Variants in CYP4F3 observed in about 807,000 individuals in gnomAD.
The protein encoded by CYP4F3 is cytochrome P450 family 4 subfamily F member 3.
CYP4F3 carries 50 observed loss-of-function variants against 54.8 expected under a neutral mutation model. The observed-to-expected ratio is 0.91, with a 90% CI of 0.73 to 1.16. The LOEUF is 1.16. CYP4F3 is among the 50% of genes most tolerant of loss of function. The probability of loss-of-function intolerance (pLI) is 0.00; values close to 1 mark genes in which losing one functional copy is unlikely to be tolerated. For synonymous variants in CYP4F3, 244 were observed against 262.6 expected, an observed-to-expected ratio of 0.93 and a Z score of 0.69; for missense variants, 715 against 676.2, an observed-to-expected ratio of 1.06 and a Z score of -0.64.
In CYP4F3 at chr19:15,643,331, TAGAC is replaced by T. The variant is rs1288616431; in HGVS notation, c.198+1722_198+1725del. ...TAGATAGATTAGATAGATAGATAGATAGACAGATAGATACATACATACATACATA... is the reference window on the plus strand; with the variant it reads ...TAGATAGATTAGATAGATAGATAGATAGATAGATACATACATACATACATA... On this transcript the variant is annotated intron_variant, in intron 2 of 12. Transcript: ENST00000221307. Among the ~76,000 whole-genome samples, 57 of 134,308 alleles carry T rather than the reference TAGAC, an allele frequency of 4.2e-4. 1 individual carries two copies. In the South Asian group the frequency reaches 4.3e-3, roughly 10 times the overall value. 88.1% of individuals were successfully genotyped at this position (134,308 alleles called of 152,430 possible).
chr19:15,645,699 T>A lies in CYP4F3; in HGVS notation c.199-20T>A. The A allele has an allele frequency of 6.3e-7, 1 of 1,592,844 alleles. No individual in the cohort carries two copies. The highest frequency in any genetic ancestry group is 8.6e-7 in the Non-Finnish European group (1 of 1,165,510). On this transcript the variant is annotated intron_variant, in intron 2 of 12. Coordinates refer to ENST00000221307, the MANE Select transcript of CYP4F3 (RefSeq NM_000896.3). ...GCAGCCTAGGAGAGCATGAATTGGG[T>A]CCTGTGTCTTTCTCTCCAGATTCAC... is the stretch of plus-strand genomic sequence containing the variant.
intron 2 of CYP4F3, among the ~76,000 whole-genome samples, chr19:15,644,950 C>G (rs1226502835): frequency 6.6e-6 from 1 of 152,158 alleles, no homozygotes; most frequent in Non-Finnish European, 1.5e-5. Flanking sequence ...GTAGTCTAAG[C>G]AAAGAAAGAG....
At position 15,650,188 on chromosome 19, in the gene CYP4F3, G is replaced by A. The variant is rs748883428; in HGVS notation, c.918+5G>A. 3.1e-6 allele frequency: 5 copies of A among 1,614,172 alleles called. No homozygotes were observed. In the South Asian group the frequency reaches 5.5e-5, roughly 18 times the overall value. ...GATGTACTCCTGCTGAGCAAGGTGG[G>A]CCTCTCTGGGATCTGAATTCAAGAA... On this transcript the variant is annotated splice_donor_5th_base_variant and intron_variant, in intron 7 of 12. Coordinates refer to ENST00000221307, the MANE Select transcript of CYP4F3 (RefSeq NM_000896.3).
At chr19:15,643,922 C>G in intron 2 of CYP4F3, 2 of 1,588,238 alleles carry the variant, frequency 1.3e-6, no homozygotes, top group Non-Finnish European at 1.7e-6. Flanking sequence ...CCCCACGGAG[C>G]AGGGCATGAG....
At chr19:15,654,419 A>G (rs569254458) in intron 9 of CYP4F3, among the ~76,000 whole-genome samples, 75 of 152,342 alleles carry the variant, frequency 4.9e-4, no homozygotes, top group Non-Finnish European at 8.4e-4. Flanking sequence ...TTTCTAATGT[A>G]CAGTACATAT....
At chr19:15,658,614 G>A in intron 11 of CYP4F3, 59 bp downstream of exon 11, 1 of 1,610,848 alleles carries the variant, frequency 6.2e-7, no homozygotes, top group South Asian at 1.1e-5. Flanking sequence ...AGGGGGCAGG[G>A]TTTTGATCAG....
rs922722561 is a variant in CYP4F3 at position 15,662,541 on chromosome 19, A to G, written c.*3156A>G. 6 of 151,954 alleles carry G rather than the reference A, an allele frequency of 3.9e-5. No homozygotes were observed. Among genetic ancestry groups the G allele is most frequent in the East Asian group, 3.9e-4 (2 of 5,190 alleles). The allele number at this position is 151,954 out of a possible 1,614,324, so 9.4% of individuals were successfully genotyped here. ...GCTATTCTGCTTCCTTTGTGTTTCT[A>G]TGTAAATTTTATCATCAGTGTGTCT... On this transcript the variant is annotated 3_prime_UTR_variant, in exon 13 of 13. Coordinates refer to ENST00000221307, the MANE Select transcript of CYP4F3 (RefSeq NM_000896.3).
chr19:15,653,040 T>C, intron 9 of CYP4F3, 88 bp downstream of exon 9: 1 of 1,502,886 alleles, frequency 6.7e-7, no homozygotes, highest in Non-Finnish European at 8.9e-7. Flanking sequence ...TTGTTTTTGT[T>C]GATTCTGCCA....
chr19:15,652,879 C>T lies in CYP4F3; in HGVS notation c.1042C>T (p.Pro348Ser). Residue 348 changes from proline to serine, a missense_variant, in exon 9 of 13, where the codon CCG becomes TCG. Pro to Ser is a moderately conservative substitution (Grantham distance 74). Transcript: ENST00000221307. ...GGTCCTGTACCACCTTGCAAAGCAC[C>T]CGGAATACCAGGAGCGCTGTCGGCA... ...SWVLYHLAKH[P>S]EYQERCRQEV... 2 of 1,613,902 alleles carry T rather than the reference C, an allele frequency of 1.2e-6. No individual in the cohort carries two copies. Among genetic ancestry groups the T allele is most frequent in the Non-Finnish European group, 1.7e-6 (2 of 1,179,882 alleles).
intron 12 of CYP4F3, 63 bp from the exon 13 acceptor site, chr19:15,659,157 C>A (rs551625376): frequency 2.3e-5 from 30 of 1,295,902 alleles, no homozygotes; most frequent in Non-Finnish European, 3.1e-5. Context: ...GCCAGGTTAC[C>A]GGCTTGATGG....
rs28371541 is a variant in CYP4F3 at position 15,655,704 on chromosome 19, G to A, written c.1116-2560G>A. ...AAGTGAAAGTCCATAAAATAGACAC[G>A]GGTCTGCATATTATCTCTGAGATCT... On this transcript the variant is annotated intron_variant, in intron 9 of 12. Transcript: ENST00000221307. Among the ~76,000 whole-genome samples, 878 of 152,274 alleles carry A rather than the reference G, an allele frequency of 5.8e-3. 4 individuals carry two copies. The highest frequency in any genetic ancestry group is 0.017 in the Middle Eastern group (5 of 294).
chr19:15,648,259 G>A (rs1029483250), intron 5 of CYP4F3, among the ~76,000 whole-genome samples: 1 of 152,074 alleles, frequency 6.6e-6, no homozygotes, highest in African/African-American at 2.4e-5. Context: ...AGCAGCATGT[G>A]TTGCTTGTTA....
chr19:15,656,550 C>G lies in CYP4F3; in HGVS notation c.1116-1714C>G, dbSNP rs369206750. ...TTCTATCATCTATCAATGTATCTAT[C>G]ATTGATCTATCTATCATCTATCAAT... On this transcript the variant is annotated intron_variant, in intron 9 of 12. Coordinates refer to ENST00000221307, the MANE Select transcript of CYP4F3 (RefSeq NM_000896.3). Among the ~76,000 whole-genome samples, 66 of 124,396 alleles carry G rather than the reference C, an allele frequency of 5.3e-4. No individual in the cohort carries two copies. The South Asian group carries it at 0.013, about 25-fold the overall frequency. The allele number at this position is 124,396 out of a possible 152,430, so 81.6% of individuals were successfully genotyped here. A position where few individuals can be genotyped will look rare whatever the true frequency, so the allele number is the denominator to read the frequency against.
At chr19:15,642,100 C>T (rs1255758663) in intron 2 of CYP4F3, among the ~76,000 whole-genome samples, 1 of 152,148 alleles carries the variant, frequency 6.6e-6, no homozygotes, top group African/African-American at 2.4e-5. Context: ...AGTAAGATGT[C>T]CCAATGGGGT....
rs7254281 is a variant in CYP4F3 at position 15,660,922 on chromosome 19, G to A, written c.*1537G>A. Reference sequence around the variant, plus strand: ...AATAGAGGCGGGGTTTCGCCATGTTGCACTGGCTGGTGTTGAACTCCTAAC... The same window carrying A: ...AATAGAGGCGGGGTTTCGCCATGTTACACTGGCTGGTGTTGAACTCCTAAC... On this transcript the variant is annotated 3_prime_UTR_variant, in exon 13 of 13. Transcript: ENST00000221307. 0.6 allele frequency: 90,811 copies of A among 151,706 alleles called. 27,687 individuals carry two copies. Among genetic ancestry groups the A allele is most frequent in the East Asian group, 0.7 (3,622 of 5,140 alleles). 9.4% of individuals were successfully genotyped at this position (151,706 alleles called of 1,614,324 possible).
intron 9 of CYP4F3, among the ~76,000 whole-genome samples, 185 bp downstream of exon 9, chr19:15,653,137 A>C (rs1392130170): frequency 2.0e-5 from 3 of 152,214 alleles, no homozygotes; most frequent in African/African-American, 7.2e-5. Flanking sequence ...ATAGGCCCTT[A>C]GGACAGAAAG....
At chr19:15,641,253 C>T (rs1972453165) in intron 1 of CYP4F3, 162 bp from the exon 2 acceptor site, 1 of 888,884 alleles carries the variant, frequency 1.1e-6, no homozygotes, top group African/African-American at 1.7e-5. Context: ...TTGGCTGGGC[C>T]TTTCTGGACT....
Position 15,645,819 on chromosome 19 carries a change from G to T in CYP4F3, c.299G>T (p.Arg100Leu), listed in dbSNP as rs143305509. ...WWVGPWHAIVRIFHPTYIKPV... is the reference protein window; with the variant it reads ...WWVGPWHAIVLIFHPTYIKPV... ...GTGGGGCCCTGGCACGCAATCGTCC[G>T]CATCTTCCACCCCACCTACATCAAG... Residue 100 changes from arginine (R) to leucine (L), a missense_variant, in exon 3 of 13, where the codon CGC becomes CTC. Transcript: ENST00000221307. 1.9e-6 allele frequency: 3 copies of T among 1,613,658 alleles called. No individual in the cohort carries two copies. The highest frequency in any genetic ancestry group is 2.2e-5 in the East Asian group (1 of 44,870).
At position 15,650,666 on chromosome 19, in the gene CYP4F3, TTCTTTCTTTCTTTC is replaced by T. The variant is rs1261653062; in HGVS notation, c.918+485_918+498del. ...CCCTCCCTCCCTGCCTTCTTTTTCTTTCTTTCTTTCTTTCTTTCTTTCTTTCTTTCTTTCTTTCT... is the reference window on the plus strand; with the variant it reads ...CCCTCCCTCCCTGCCTTCTTTTTCTTTTTCTTTCTTTCTTTCTTTCTTTCT... On this transcript the variant is annotated intron_variant, in intron 7 of 12. Transcript: ENST00000221307. Among the ~76,000 whole-genome samples, 40 of 32,460 alleles carry T rather than the reference TTCTTTCTTTCTTTC, an allele frequency of 1.2e-3. 13 individuals carry two copies. Among genetic ancestry groups the T allele is most frequent in the African/African-American group, 2.1e-3 (15 of 7,206 alleles). 21.3% of individuals were successfully genotyped at this position (32,460 alleles called of 152,430 possible). A position where few individuals can be genotyped will look rare whatever the true frequency, so the allele number is the denominator to read the frequency against.
Sources: allele counts gnomAD v4.1 joint callset (sites outside exome capture counted in the v4.1 genomes callset), GRCh38; gene constraint gnomAD v4.1.1; transcripts MANE v1.5; gene names NCBI Gene and HGNC (gene_info 2026-07-23, HGNC 2026-07-21).